BIN2: variants seen among roughly 807,000 people sequenced by gnomAD.
BIN2 encodes the protein bridging integrator 2, also known as breast cancer associated protein BRAP1.
BIN2 carries 43 observed loss-of-function variants against 67.9 expected under a neutral mutation model. The ratio of observed to expected loss-of-function variants is 0.63; its 90% CI spans 0.50 to 0.82. BIN2 has a LOEUF of 0.82. Ranked by LOEUF, BIN2 falls within the 40% of genes least tolerant of loss-of-function variation. The pLI is 0.00. For synonymous variants in BIN2, 244 were observed against 246.8 expected, an observed-to-expected ratio of 0.99 and a Z score of 0.11; for missense variants, 581 against 671.6, an observed-to-expected ratio of 0.87 and a Z score of 1.49.
At position 51,299,684 on chromosome 12, in the gene BIN2, C is replaced by T. The variant is rs576769629; in HGVS notation, c.439G>A (p.Val147Met). 1.0e-4 allele frequency: 169 copies of T among 1,613,998 alleles called. No individual in the cohort carries two copies. The highest frequency in any genetic ancestry group is 1.4e-4 in the Non-Finnish European group (160 of 1,179,998). ...TGGTGTCGGGCACTGTCATAGTCCA[C>T]GAGTTTCCGACCCCGCTTGGCAATT... is the stretch of plus-strand genomic sequence containing the variant. Reference protein sequence around the residue: ...ERIAKRGRKLVDYDSARHHLE... With the variant: ...ERIAKRGRKLMDYDSARHHLE... The change falls in exon 6 of 13, where the codon GTG becomes ATG. Residue 147 changes from valine to methionine, a missense_variant. By Grantham distance (21) the Val-to-Met change is conservative. Transcript: ENST00000615107.
chr12:51,288,168 C>T lies in BIN2; in HGVS notation c.1536G>A (p.Glu512=), dbSNP rs776413679. 1 of 1,613,802 alleles carries T rather than the reference C, an allele frequency of 6.2e-7. No homozygotes were observed. The highest frequency in any genetic ancestry group is 1.3e-5 in the African/African-American group (1 of 74,922). The change falls in exon 11 of 13, where the codon GAG becomes GAA. Residue 512 remains glutamate (E), a synonymous_variant. Transcript: ENST00000615107. ...TTTCCTTGTCTTCCATCTTCTTTGC[C>T]TCTCCAGGCTCTGAAGCAACCTGTG... ...MTSQVASEPG[E]AKKMEDKEKD... is the part of the protein sequence containing the mutation.
chr12:51,297,778 G>C (rs1454793617), intron 7 of BIN2, among the ~76,000 whole-genome samples: 1 of 152,040 alleles, frequency 6.6e-6, no homozygotes, highest in Non-Finnish European at 1.5e-5. Context: ...AAAGGGCTTT[G>C]AATAATTTTT....
At chr12:51,314,509 G>A (rs1946074110) in intron 1 of BIN2, among the ~76,000 whole-genome samples, 1 of 152,050 alleles carries the variant, frequency 6.6e-6, no homozygotes, top group Non-Finnish European at 1.5e-5. Context: ...GAAGAAATAA[G>A]GTATATCTGG....
intron 9 of BIN2, among the ~76,000 whole-genome samples, chr12:51,295,039 C>T (rs1359763580): frequency 6.6e-6 from 1 of 152,160 alleles, no homozygotes; most frequent in Admixed American, 6.5e-5. Context: ...CTCAAGTGAT[C>T]CTCCTGCTTC....
upstream of BIN2, chr12:51,324,195 G>A (rs1946372274): frequency 6.5e-7 from 1 of 1,535,110 alleles, no homozygotes; most frequent in Non-Finnish European, 8.7e-7. Context: ...GGCATGCCTC[G>A]CATCCGGCCC....
At chr12:51,291,505 T>C in intron 10 of BIN2, 86 bp downstream of exon 10, 1 of 1,355,982 alleles carries the variant, frequency 7.4e-7, no homozygotes, top group Non-Finnish European at 1.0e-6. Context: ...ATCGCACCAC[T>C]ACACTCCAGC....
chr12:51,313,972 A>T, intron 1 of BIN2, 69 bp from the exon 2 acceptor site: 1 of 1,185,108 alleles, frequency 8.4e-7, no homozygotes, highest in South Asian at 1.3e-5. Context: ...GCCTCATATG[A>T]CCCTGGCTTC....
At chr12:51,318,426 G>A (rs538278229) in intron 1 of BIN2, among the ~76,000 whole-genome samples, 182 of 152,054 alleles carry the variant, frequency 1.2e-3, no homozygotes, top group African/African-American at 4.2e-3. Flanking sequence ...CACGCCTGGC[G>A]AATTTTTGTA....
rs145231160 is a variant in BIN2 at position 51,291,613 on chromosome 12, G to A, written c.1493C>T (p.Ser498Phe). 32 of 1,607,674 alleles carry A rather than the reference G, an allele frequency of 2.0e-5. No individual in the cohort carries two copies. Among genetic ancestry groups the A allele is most frequent in the Non-Finnish European group, 2.5e-5 (30 of 1,178,080 alleles). Residue 498 changes from serine (S) to phenylalanine (F), a missense_variant, in exon 10 of 13, where the codon TCC (serine) becomes TTC (phenylalanine). Ser to Phe is a radical substitution (Grantham distance 155). Coordinates refer to ENST00000615107, the MANE Select transcript of BIN2 (RefSeq NM_016293.4). ...TACCTGAGATGTCATTAAGGTGGGG[G>A]AAGTACAAAGTTCTTCAGGGTTCTG... ...HNQNPEELCTSPTLMTSQVAS... is the reference protein window; with the variant it reads ...HNQNPEELCTFPTLMTSQVAS...
chr12:51,303,031 A>G, intron 3 of BIN2, 56 bp downstream of exon 3: 1 of 1,579,526 alleles, frequency 6.3e-7, no homozygotes, highest in Non-Finnish European at 8.7e-7. Flanking sequence ...TTCCACCCCA[A>G]ACCTCCTAGT....
chr12:51,298,924 T>A (rs1459091172), intron 7 of BIN2, among the ~76,000 whole-genome samples: 1 of 151,444 alleles, frequency 6.6e-6, no homozygotes, highest in African/African-American at 2.4e-5. Flanking sequence ...CAAAAAAAAA[T>A]TAGCCAGGCA....
intron 1 of BIN2, among the ~76,000 whole-genome samples, chr12:51,318,262 CTTTT>C (rs1267935737): frequency 1.5e-5 from 2 of 131,804 alleles, no homozygotes; most frequent in Non-Finnish European, 1.6e-5. Flanking sequence ...TATCTCCATT[CTTTT>C]TTTTTTTTTT....
chr12:51,281,663 T>C, intron 12 of BIN2, 135 bp from the exon 13 acceptor site: 1 of 808,108 alleles, frequency 1.2e-6, no homozygotes, highest in South Asian at 1.5e-5. Flanking sequence ...GGAGGCAATG[T>C]GAAACTGGTT....
intron 3 of BIN2, 72 bp downstream of exon 3, chr12:51,303,015 A>G: frequency 2.0e-6 from 3 of 1,524,462 alleles, no homozygotes; most frequent in East Asian, 2.3e-5. Context: ...GGGTATGGCT[A>G]TTGTTTTCCA....
At chr12:51,300,633 T>A (rs183611768) in intron 5 of BIN2, among the ~76,000 whole-genome samples, 338 of 152,304 alleles carry the variant, frequency 2.2e-3, no homozygotes, top group African/African-American at 7.8e-3. Flanking sequence ...AAACTATAAA[T>A]TATACCAGTG....
chr12:51,324,644 AGC>A, upstream of BIN2: 1 of 1,074,414 alleles, frequency 9.3e-7, no homozygotes, highest in Non-Finnish European at 1.3e-6. Context: ...AGGACACCCG[AGC>A]CGGGCTTGAA....
At chr12:51,324,228 G>C, upstream of BIN2, 6 of 1,461,312 alleles carry the variant, frequency 4.1e-6, no homozygotes, top group African/African-American at 1.4e-5. Flanking sequence ...ACCTCAGGCC[G>C]CCCCTGGCCA....
intron 2 of BIN2, among the ~76,000 whole-genome samples, chr12:51,313,495 T>C (rs1428451848): frequency 6.6e-6 from 1 of 151,710 alleles, no homozygotes; most frequent in African/African-American, 2.4e-5. Context: ...CACACTACCA[T>C]GCCCAGCTAA....
At chr12:51,295,623 TA>T (rs1945544017) in intron 9 of BIN2, among the ~76,000 whole-genome samples, 172 bp downstream of exon 9, 1 of 92,724 alleles carries the variant, frequency 1.1e-5, no homozygotes, top group Admixed American at 1.2e-4. Context: ...TATATATATA[TA>T]TATATATTTA....
Sources: gnomAD v4.1 joint callset for allele counts (sites outside exome capture counted in the v4.1 genomes callset) on GRCh38, gnomAD v4.1.1 for gene constraint, MANE v1.5 for transcripts, NCBI Gene and HGNC (gene_info 2026-07-23, HGNC 2026-07-21) for gene names.